The following SUN2 variants were observed in gnomAD, a reference collection of about 807,000 sequenced individuals.
The protein encoded by SUN2 is SUN domain-containing protein 2.
In SUN2, 60 loss-of-function variants were observed where a neutral mutation model predicts 100.0. That is an observed-to-expected ratio of 0.60 (90% CI 0.49 to 0.74). The LOEUF (loss-of-function observed/expected upper bound fraction) is 0.74. Ranked by LOEUF, SUN2 falls within the 30% of genes least tolerant of loss-of-function variation. SUN2 has a pLI of 0.00. For synonymous variants in SUN2, 367 were observed against 403.3 expected (o/e 0.91, Z 1.08); for missense variants, 834 against 954.6 (o/e 0.87, Z 1.66).
At chr22:38,746,920 G>C (rs768806508) in intron 7 of SUN2, among the ~76,000 whole-genome samples, 3 of 152,140 alleles carry the variant, frequency 2.0e-5, no homozygotes, top group Non-Finnish European at 4.4e-5. Context: ...TGTAGTCCCA[G>C]CTACTCGGGA....
chr22:38,750,084 C>T (rs533781544), intron 5 of SUN2, 141 bp downstream of exon 5: 272 of 1,346,504 alleles, frequency 2.0e-4, no homozygotes, highest in Non-Finnish European at 2.6e-4. Context: ...CAGCTCTGGG[C>T]TCCCAGTGAT....
rs1388343360 is a variant in SUN2, at chr22:38,735,976, C to CTCTCCCAACTTCCCAG, written c.*275_*290dup. 9.5e-6 allele frequency: 3 copies of CTCTCCCAACTTCCCAG among 316,992 alleles called. No individual in the cohort carries two copies. Among genetic ancestry groups the CTCTCCCAACTTCCCAG allele is most frequent in the African/African-American group, 6.6e-5 (3 of 45,156 alleles). The allele number at this position is 316,992 out of a possible 1,614,324, so 19.6% of individuals were successfully genotyped here. On this transcript the variant is annotated 3_prime_UTR_variant, in exon 18 of 18. Coordinates refer to ENST00000689035, the MANE Select transcript of SUN2 (RefSeq NM_015374.3). Reference sequence around the variant, plus strand: ...CCAGCCAAGACCAGTCAGGTCCTACCTCTCCCAACTTCCCAGTCCCCCATG... The same window carrying CTCTCCCAACTTCCCAG: ...CCAGCCAAGACCAGTCAGGTCCTACCTCTCCCAACTTCCCAGTCTCCCAACTTCCCAGTCCCCCATG...
Position 38,755,294 on chromosome 22 carries a change from C to G in SUN2, c.-38+469G>C. 2 of 1,119,404 alleles carry G rather than the reference C, an allele frequency of 1.8e-6. No individual in the cohort carries two copies. Among genetic ancestry groups the G allele is most frequent in the Non-Finnish European group, 2.2e-6 (2 of 906,952 alleles). 69.3% of individuals were successfully genotyped at this position (1,119,404 alleles called of 1,614,324 possible). Reference sequence around the variant, plus strand: ...AACCTGCAGAAATTGTCACCAAAGGCGCGCCTCCTGGCTCTCTAAGTCACA... The same window carrying G: ...AACCTGCAGAAATTGTCACCAAAGGGGCGCCTCCTGGCTCTCTAAGTCACA... On this transcript the variant is annotated intron_variant, in intron 1 of 17. Transcript: ENST00000689035. The surrounding 1 kb of genome is among the most constrained non-coding windows in gnomAD (Gnocchi z 5.7).
chr22:38,744,536 A>G (rs556067930), intron 8 of SUN2, among the ~76,000 whole-genome samples: 1 of 152,340 alleles, frequency 6.6e-6, no homozygotes, highest in African/African-American at 2.4e-5. Context: ...AGTTATGATT[A>G]TACTACTGCA....
intron 4 of SUN2, 193 bp from the exon 5 acceptor site, chr22:38,750,513 A>G (rs2092937029): frequency 8.0e-7 from 1 of 1,256,462 alleles, no homozygotes; most frequent in Non-Finnish European, 1.1e-6. Context: ...TCCTGTTTGC[A>G]TCCCTCTCCT....
Position 38,738,412 on chromosome 22 carries a change from C to A in SUN2, c.1948-147G>T. 1 of 1,104,832 alleles carries A rather than the reference C, an allele frequency of 9.1e-7. No individual in the cohort carries two copies. 68.4% of individuals were successfully genotyped at this position (1,104,832 alleles called of 1,614,324 possible). On this transcript the variant is annotated intron_variant, in intron 16 of 17. Coordinates refer to ENST00000689035, the MANE Select transcript of SUN2 (RefSeq NM_015374.3). This position sits in a 1 kb window ranked among gnomAD's most constrained non-coding sequence, Gnocchi z 6.6. ...TCACTCTCTTGTGCCACAGTTTCTG[C>A]CTCCAAAGCCTAAGGTAACAGGGAC...
In SUN2 at chr22:38,750,225, C is replaced by T. The variant is rs1390604251; in HGVS notation, c.520G>A (p.Gly174Ser). 6.2e-7 allele frequency: 1 copy of T among 1,609,770 alleles called. No homozygotes were observed. The highest frequency in any genetic ancestry group is 1.1e-5 in the South Asian group (1 of 91,000). Residue 174 changes from glycine (G) to serine (S), a missense_variant and splice_region_variant, in exon 5 of 18, where the codon GGC (glycine) becomes AGC (serine). Physicochemically the swap from Gly to Ser is moderately conservative, Grantham distance 56 (BLOSUM62 0). Coordinates refer to ENST00000689035, the MANE Select transcript of SUN2 (RefSeq NM_015374.3). ...SLLWMVATSPGRLFRLLYWWA... is the reference protein window; with the variant it reads ...SLLWMVATSPSRLFRLLYWWA... ...TAACTGGGCACGGGTTGCAGCCCAC[C>T]TGGCGAAGTGGCCACCATCCAGAGT...
chr22:38,753,883 C>T (rs1485072610), intron 1 of SUN2, among the ~76,000 whole-genome samples: 2 of 152,168 alleles, frequency 1.3e-5, no homozygotes, highest in African/African-American at 4.8e-5. Flanking sequence ...TAAAGTTTTC[C>T]AGTTGTTTCA....
rs149088273 is a variant in SUN2 at position 38,749,811 on chromosome 22, C to T, written c.569G>A (p.Arg190His). 31 of 1,614,098 alleles carry T rather than the reference C, an allele frequency of 1.9e-5. No homozygotes were observed. The East Asian group carries it at 2.7e-4, about 14-fold the overall frequency. ...AAGGAGGGAGGCAGCTGTGGTCAGG[C>T]GGTACCAGGTGGTGCCAGCCCACCA... ...LYWWAGTTWY[R>H]LTTAASLLDV... Residue 190 changes from arginine to histidine, a missense_variant, in exon 6 of 18, where the codon CGC becomes CAC. Arg to His is a conservative substitution (Grantham distance 29). This residue lies in a region of SUN2 where 559 missense variants were observed against 597.7 expected (regional missense o/e 0.94). Coordinates refer to ENST00000689035, the MANE Select transcript of SUN2 (RefSeq NM_015374.3).
chr22:38,735,631 T>A lies in SUN2; in HGVS notation c.*636A>T, dbSNP rs1282162862. 6 of 178,370 alleles carry A rather than the reference T, an allele frequency of 3.4e-5. No homozygotes were observed. The highest frequency in any genetic ancestry group is 7.3e-5 in the Non-Finnish European group (6 of 82,462). The allele number at this position is 178,370 out of a possible 1,614,324, so 11.0% of individuals were successfully genotyped here. A position where few individuals can be genotyped will look rare whatever the true frequency, so the allele number is the denominator to read the frequency against. On this transcript the variant is annotated 3_prime_UTR_variant, in exon 18 of 18. Transcript: ENST00000689035. ...TAGAAGATCACAGCAGCCAGTCCCC[T>A]TTAGGGCACAAGAAGCCCCATGGCC...
At position 38,738,317 on chromosome 22, in the gene SUN2, C is replaced by A; in HGVS notation, c.1948-52G>T. On this transcript the variant is annotated intron_variant, in intron 16 of 17. Transcript: ENST00000689035. The surrounding 1 kb of genome is among the most constrained non-coding windows in gnomAD (Gnocchi z 6.6). Reference sequence around the variant, plus strand: ...GAGGGGCTGGAGCAGGGAGAACACCCCTCCCCACTCCAATCCCTGCTCCTC... The same window carrying A: ...GAGGGGCTGGAGCAGGGAGAACACCACTCCCCACTCCAATCCCTGCTCCTC... 6.8e-7 allele frequency: 1 copy of A among 1,471,642 alleles called. No homozygotes were observed. 91.2% of individuals were successfully genotyped at this position (1,471,642 alleles called of 1,614,324 possible).
chr22:38,748,693 C>T lies in SUN2; in HGVS notation c.685+20G>A. The T allele has an allele frequency of 1.9e-6, 3 of 1,614,094 alleles. No homozygotes were observed. Among genetic ancestry groups the T allele is most frequent in the Non-Finnish European group, 2.5e-6 (3 of 1,179,916 alleles). On this transcript the variant is annotated intron_variant, in intron 7 of 17. Coordinates refer to ENST00000689035, the MANE Select transcript of SUN2 (RefSeq NM_015374.3). The stretch of plus-strand genomic sequence containing the variant: ...GAACACATCTCTGTGCCTCCCTCTG[C>T]TCTCCCCATGCAGGCTCACCATACG...
rs772949903 is a variant in SUN2, at chr22:38,735,326, C to A, written c.*941G>T. The A allele has an allele frequency of 2.5e-5, 11 of 436,872 alleles. No homozygotes were observed. Among genetic ancestry groups the A allele is most frequent in the Non-Finnish European group, 5.0e-5 (11 of 220,032 alleles). The allele number at this position is 436,872 out of a possible 1,614,324, so 27.1% of individuals were successfully genotyped here. ...TCAGGGCCTGGTTAGATGTGGGGGCCGGTGCAGACAGACCTCGCACCCCGA... is the reference window on the plus strand; with the variant it reads ...TCAGGGCCTGGTTAGATGTGGGGGCAGGTGCAGACAGACCTCGCACCCCGA... On this transcript the variant is annotated 3_prime_UTR_variant, in exon 18 of 18. Coordinates refer to ENST00000689035, the MANE Select transcript of SUN2 (RefSeq NM_015374.3).
intron 9 of SUN2, 137 bp downstream of exon 9, chr22:38,742,161 GAAA>G (rs1168879547): frequency 9.4e-7 from 1 of 1,058,782 alleles, no homozygotes; most frequent in South Asian, 1.8e-5. Context: ...AAAAAAAAAA[GAAA>G]AAAAGAGAAA....
rs778300451 is a variant in SUN2 at position 38,737,094 on chromosome 22, G to A, written c.2041-714C>T. Among the ~76,000 whole-genome samples the A allele has an allele frequency of 5.3e-5, 8 of 152,152 alleles. No homozygotes were observed. In the East Asian group the frequency reaches 7.7e-4, roughly 15 times the overall value. On this transcript the variant is annotated intron_variant, in intron 17 of 17. Transcript: ENST00000689035. This position sits in a 1 kb window ranked among gnomAD's most constrained non-coding sequence, Gnocchi z 4.1. ...ACTCCTGGGCTCAAGCAATCCCCTC[G>A]CCTTGGCCTTGCAAAGTGCTGGAAT...
rs149906628 is a variant in SUN2, at chr22:38,741,710, G to A, written c.1069-139C>T. On this transcript the variant is annotated intron_variant, in intron 9 of 17. Coordinates refer to ENST00000689035, the MANE Select transcript of SUN2 (RefSeq NM_015374.3). ...TGGCTCTCAGCCTTCTCTGAACCAC[G>A]CAAGACTCCCGCTTCAGCTCCACTG... The A allele has an allele frequency of 1.4e-3, 985 of 725,428 alleles. 1 individual carries two copies. Among genetic ancestry groups the A allele is most frequent in the Non-Finnish European group, 2.0e-3 (856 of 423,828 alleles). 44.9% of individuals were successfully genotyped at this position (725,428 alleles called of 1,614,324 possible).
chr22:38,755,823 C>T lies in SUN2; in HGVS notation c.-98G>A, dbSNP rs998813263. The T allele has an allele frequency of 2.0e-6, 2 of 983,454 alleles. No homozygotes were observed. Among genetic ancestry groups the T allele is most frequent in the African/African-American group, 3.5e-5 (2 of 57,010 alleles). 60.9% of individuals were successfully genotyped at this position (983,454 alleles called of 1,614,324 possible). ...GTCCGAGGCCAGGCCGCCGCCGGGG[C>T]GCGCCCCCTTTCCGCGTGGGGATCC... On this transcript the variant is annotated 5_prime_UTR_variant, in exon 1 of 18. Coordinates refer to ENST00000689035, the MANE Select transcript of SUN2 (RefSeq NM_015374.3). This position sits in a 1 kb window ranked among gnomAD's most constrained non-coding sequence, Gnocchi z 5.7.
chr22:38,749,900 T>C lies in SUN2; in HGVS notation c.521-41A>G, dbSNP rs1173147468. ...TCAAGCCGAAGGCTCCATATGGTGT[T>C]TGGGGGCACCGCTCCTTTGTCCCGT... On this transcript the variant is annotated intron_variant, in intron 5 of 17. Transcript: ENST00000689035. 1.9e-6 allele frequency: 3 copies of C among 1,575,376 alleles called. No individual in the cohort carries two copies. The South Asian group carries it at 3.4e-5, about 18-fold the overall frequency.
chr22:38,745,770 G>C lies in SUN2; in HGVS notation c.727C>G (p.Pro243Ala). 6.2e-7 allele frequency: 1 copy of C among 1,614,112 alleles called. No homozygotes were observed. The highest frequency in any genetic ancestry group is 8.5e-7 in the Non-Finnish European group (1 of 1,180,034). The change falls in exon 8 of 18, where the codon CCT becomes GCT. Residue 243 changes from proline (P) to alanine (A), a missense_variant. By Grantham distance (27) the Pro-to-Ala change is conservative. Coordinates refer to ENST00000689035, the MANE Select transcript of SUN2 (RefSeq NM_015374.3). The stretch of plus-strand genomic sequence containing the variant: ...GCTGCCCACCAGGAAACCAAAGCAG[G>C]GTGGAATGTCTGCAGCCCATAGGGG... ...FYPYGLQTFH[P>A]ALVSWWAAKD...
Sources: gnomAD v4.1 joint callset for allele counts (sites outside exome capture counted in the v4.1 genomes callset) on GRCh38, gnomAD v4.1.1 for gene constraint, gnomAD v4.1.1 regional missense constraint, Gnocchi (gnomAD v3.1) non-coding constraint, MANE v1.5 for transcripts, NCBI Gene and HGNC (gene_info 2026-07-23, HGNC 2026-07-21) for gene names.